CECR2: variants seen among roughly 807,000 people sequenced by gnomAD.
The protein encoded by CECR2 is chromatin remodeling regulator CECR2.
A neutral mutation model predicts 154.5 loss-of-function variants in CECR2; 30 were observed. The ratio of observed to expected loss-of-function variants is 0.19; its 90% CI spans 0.15 to 0.26. The LOEUF is 0.26. Ranked by LOEUF, CECR2 falls within the 10% of genes least tolerant of loss-of-function variation. The probability of loss-of-function intolerance (pLI) is 1.00; values close to 1 mark genes in which losing one functional copy is unlikely to be tolerated. For synonymous variants in CECR2, 725 were observed against 683.7 expected (o/e 1.06, Z -0.94); for missense variants, 1,743 against 1,829.3 (o/e 0.95, Z 0.86).
chr22:17,449,698 T>G (rs1021387141), intron 1 of CECR2, among the ~76,000 whole-genome samples: 2 of 151,746 alleles, frequency 1.3e-5, no homozygotes, highest in African/African-American at 4.8e-5. Flanking sequence ...ACTGTGTTAG[T>G]CAGGATGGTC....
chr22:17,509,287 C>T (rs186483972), intron 7 of CECR2, among the ~76,000 whole-genome samples: 5 of 152,150 alleles, frequency 3.3e-5, no homozygotes, highest in East Asian at 1.9e-4. Flanking sequence ...GCACAAGAAA[C>T]GGGGCAGTGG....
At chr22:17,445,601 G>A (rs1601369533) in intron 1 of CECR2, among the ~76,000 whole-genome samples, 1 of 147,574 alleles carries the variant, frequency 6.8e-6, no homozygotes, top group African/African-American at 2.5e-5. Context: ...ATTTGAGGCA[G>A]AGGCTCACCC....
At position 17,487,231 on chromosome 22, in the gene CECR2, A is replaced by T. The variant is rs534145936; in HGVS notation, c.221+9549A>T. ...GTTTTATGGTCCTGTATCAATAAAA[A>T]TACTTTAGGAATTTAACTAGTGGCT... On this transcript the variant is annotated intron_variant, in intron 2 of 18. Transcript: ENST00000262608. Among the ~76,000 whole-genome samples the T allele has an allele frequency of 5.0e-4, 76 of 152,290 alleles. 1 individual carries two copies. The highest frequency in any genetic ancestry group is 1.8e-3 in the African/African-American group (75 of 41,550).
At chr22:17,449,250 A>G (rs905274339) in intron 1 of CECR2, among the ~76,000 whole-genome samples, 8 of 152,080 alleles carry the variant, frequency 5.3e-5, no homozygotes, top group Middle Eastern at 3.2e-3. Flanking sequence ...AAACTGTAGC[A>G]GAGGACCGTG....
intron 6 of CECR2, among the ~76,000 whole-genome samples, chr22:17,504,598 G>A (rs1047872252): frequency 3.4e-5 from 5 of 148,010 alleles, no homozygotes; most frequent in African/African-American, 4.9e-5. Context: ...CACCGCGCCC[G>A]GCTAATTTTT....
chr22:17,488,042 C>T (rs943541744), intron 2 of CECR2, among the ~76,000 whole-genome samples: 127 of 152,018 alleles, frequency 8.4e-4, no homozygotes, highest in African/African-American at 2.7e-3. Flanking sequence ...CCATCATGCC[C>T]GGCTAATTTT....
chr22:17,407,350 C>G (rs1292671380), intron 1 of CECR2, among the ~76,000 whole-genome samples: 1 of 152,204 alleles, frequency 6.6e-6, no homozygotes, highest in African/African-American at 2.4e-5. Context: ...AATCCCAGCA[C>G]TTTGGGAGGC....
chr22:17,504,788 T>G, intron 6 of CECR2, 59 bp from the exon 7 acceptor site: 11 of 1,478,618 alleles, frequency 7.4e-6, no homozygotes, highest in Non-Finnish European at 1.0e-5. Flanking sequence ...AAATTGAGAA[T>G]AAATAAGGAA....
intron 2 of CECR2, among the ~76,000 whole-genome samples, chr22:17,486,311 G>T (rs946705605): frequency 2.6e-5 from 4 of 152,240 alleles, no homozygotes; most frequent in African/African-American, 9.6e-5. Flanking sequence ...CAATTCAAAT[G>T]ATTTTTTCAG....
chr22:17,433,261 A>G (rs1329077399), intron 1 of CECR2, among the ~76,000 whole-genome samples: 2 of 152,240 alleles, frequency 1.3e-5, no homozygotes, highest in African/African-American at 4.8e-5. Flanking sequence ...AATAGTGTGT[A>G]GATTTTAAAG....
chr22:17,388,246 G>A (rs1601264998), intron 1 of CECR2, among the ~76,000 whole-genome samples: 1 of 152,110 alleles, frequency 6.6e-6, no homozygotes, highest in Non-Finnish European at 1.5e-5. Flanking sequence ...GAGCCACCGC[G>A]CCTGGCCAAG....
chr22:17,500,341 T>C (rs973495510), intron 4 of CECR2, among the ~76,000 whole-genome samples: 2 of 152,118 alleles, frequency 1.3e-5, no homozygotes, highest in Non-Finnish European at 1.5e-5. Flanking sequence ...CGCATTTCCA[T>C]AGCATCCCAA....
upstream of CECR2, among the ~76,000 whole-genome samples, chr22:17,368,541 G>C (rs1303951026): frequency 1.3e-5 from 2 of 152,152 alleles, no homozygotes; most frequent in Middle Eastern, 3.2e-3. Context: ...CGCTACAGCA[G>C]TTAGCATTTC....
rs1291357851 is a variant in CECR2 at position 17,548,438 on chromosome 22, G to A, written c.3151G>A (p.Ala1051Thr). 2.5e-6 allele frequency: 4 copies of A among 1,613,966 alleles called. No individual in the cohort carries two copies. The highest frequency in any genetic ancestry group is 2.2e-5 in the South Asian group (2 of 91,074). The change falls in exon 17 of 19, where the codon GCT (alanine) becomes ACT (threonine). Residue 1051 changes from alanine (A) to threonine (T), a missense_variant. By Grantham distance (58) the Ala-to-Thr change is moderately conservative. Around this residue, in one of 4 missense-constraint regions of CECR2, gnomAD observed 1,250 missense variants for 1,192.1 expected, o/e 1.05. Coordinates refer to ENST00000262608, the MANE Select transcript of CECR2 (RefSeq NM_001290047.2). ...RDLSTVADRG[A>T]LSENGVIGEA... is the part of the protein sequence containing the mutation. ...CCTCTCCACGGTGGCAGACAGGGGC[G>A]CTCTATCCGAGAACGGAGTCATTGG...
rs1453871976 is a variant in CECR2, at chr22:17,369,599, GCCGCCCCCCGC to G, written c.-181_-171del. The G allele has an allele frequency of 1.4e-5, 2 of 146,842 alleles. No individual in the cohort carries two copies. Among genetic ancestry groups the G allele is most frequent in the Non-Finnish European group, 3.0e-5 (2 of 65,876 alleles). 9.1% of individuals were successfully genotyped at this position (146,842 alleles called of 1,614,324 possible). A position where few individuals can be genotyped will look rare whatever the true frequency, so the allele number is the denominator to read the frequency against. ...CCTCAGTAGTTCGGGCCCCCGCGCC[GCCGCCCCCCGC>G]CCGGCGCCCGCCCTCGGCTCCTGCA... On this transcript the variant is annotated 5_prime_UTR_variant, in exon 1 of 19. Coordinates refer to ENST00000262608, the MANE Select transcript of CECR2 (RefSeq NM_001290047.2).
intron 1 of CECR2, among the ~76,000 whole-genome samples, chr22:17,437,617 A>G (rs538716294): frequency 1.3e-5 from 2 of 152,284 alleles, no homozygotes; most frequent in South Asian, 2.1e-4. Context: ...ATTACTGTAG[A>G]CATACTTTGT....
chr22:17,504,207 A>G (rs2055792302), intron 6 of CECR2, among the ~76,000 whole-genome samples: 1 of 151,800 alleles, frequency 6.6e-6, no homozygotes, highest in African/African-American at 2.4e-5. Context: ...CCCTGTCTCT[A>G]CGAAAAATAC....
chr22:17,372,696 TAAAA>T (rs1382130162), intron 1 of CECR2, among the ~76,000 whole-genome samples: 1 of 152,054 alleles, frequency 6.6e-6, no homozygotes, highest in Non-Finnish European at 1.5e-5. Flanking sequence ...AATTAAAAGA[TAAAA>T]AATTCAAATG....
chr22:17,500,478 T>C (rs1057354110), intron 4 of CECR2, among the ~76,000 whole-genome samples, 153 bp from the exon 5 acceptor site: 1 of 152,218 alleles, frequency 6.6e-6, no homozygotes, highest in African/African-American at 2.4e-5. Flanking sequence ...ATCCACAGTC[T>C]AATAATGAAG....
Sources: allele counts gnomAD v4.1 joint callset (sites outside exome capture counted in the v4.1 genomes callset), GRCh38; gene constraint gnomAD v4.1.1; regional missense constraint gnomAD v4.1.1; transcripts MANE v1.5; gene names NCBI Gene and HGNC (gene_info 2026-07-23, HGNC 2026-07-21).